Variants in ATP7B observed in about 807,000 individuals in gnomAD.
ATP7B encodes ATPase copper transporting beta, also known as copper-transporting ATPase 2.
In ATP7B, 113 loss-of-function variants were observed where a neutral mutation model predicts 118.9. The observed-to-expected ratio is 0.95, with a 90% CI of 0.82 to 1.11. The LOEUF (loss-of-function observed/expected upper bound fraction) is 1.11. Ranked by LOEUF, ATP7B falls within the 50% of genes most tolerant of loss-of-function variation. ATP7B has a pLI of 0.00. For synonymous variants in ATP7B, 777 were observed against 727.4 expected (o/e 1.07, Z -1.10); for missense variants, 1,867 against 1,871.4 (o/e 1.00, Z 0.04).
At chr13:52,011,704 A>C (rs1354275251), upstream of ATP7B, among the ~76,000 whole-genome samples, 2 of 152,182 alleles carry the variant, frequency 1.3e-5, no homozygotes, top group African/African-American at 4.8e-5. Context: ...CTGCCGTGCC[A>C]GTGCCACAAT....
chr13:51,982,219 T>A (rs1346571240), intron 1 of ATP7B, among the ~76,000 whole-genome samples: 1 of 152,228 alleles, frequency 6.6e-6, no homozygotes, highest in Non-Finnish European at 1.5e-5. Context: ...GATGAATTGA[T>A]GACACTTTTG....
chr13:52,006,219 CG>C (rs1475794285), intron 1 of ATP7B, among the ~76,000 whole-genome samples: 1 of 152,226 alleles, frequency 6.6e-6, no homozygotes, highest in Non-Finnish European at 1.5e-5. Context: ...GCACTGAACA[CG>C]GATACTTCCT....
intron 1 of ATP7B, among the ~76,000 whole-genome samples, chr13:51,996,210 C>T (rs1467107429): frequency 6.6e-6 from 1 of 152,194 alleles, no homozygotes; most frequent in Non-Finnish European, 1.5e-5. Flanking sequence ...TCAGTAAGAA[C>T]TGACTGCACA....
Position 51,937,565 on chromosome 13 carries a change from A to T in ATP7B, c.3814T>A (p.Ser1272Thr). Residue 1272 changes from serine to threonine, a missense_variant, in exon 18 of 21, where the codon TCC (serine) becomes ACC (threonine). Transcript: ENST00000242839. ...VAMVGDGVND[S>T]PALAQADMGV... Reference sequence around the variant, plus strand: ...ATGTCTGCCTGGGCCAAGGCCGGGGAGTCATTGACCCCATCCCCCACCATG... The same window carrying T: ...ATGTCTGCCTGGGCCAAGGCCGGGGTGTCATTGACCCCATCCCCCACCATG... 1 of 1,614,154 alleles carries T rather than the reference A, an allele frequency of 6.2e-7. No individual in the cohort carries two copies. Among genetic ancestry groups the T allele is most frequent in the Non-Finnish European group, 8.5e-7 (1 of 1,180,020 alleles).
Position 51,964,923 on chromosome 13 carries a change from A to T in ATP7B, c.1818T>A (p.Val606=). 2 of 1,614,204 alleles carry T rather than the reference A, an allele frequency of 1.2e-6. No homozygotes were observed. Among genetic ancestry groups the T allele is most frequent in the Non-Finnish European group, 1.7e-6 (2 of 1,180,026 alleles). Residue 606 remains valine (V), a synonymous_variant, in exon 5 of 21, where the codon GTT becomes GTA. Transcript: ENST00000242839. Reference sequence around the variant, plus strand: ...GACCGATAATTTCCGGGTCAAACTTAACAAGGGCTTTGCTGGTGGCAAGGG... The same window carrying T: ...GACCGATAATTTCCGGGTCAAACTTTACAAGGGCTTTGCTGGTGGCAAGGG... ...SVALATSKAL[V]KFDPEIIGPR... is the part of the protein sequence containing the mutation.
intron 19 of ATP7B, among the ~76,000 whole-genome samples, chr13:51,936,587 C>T (rs1202953370): frequency 6.6e-6 from 1 of 152,072 alleles, no homozygotes; most frequent in Non-Finnish European, 1.5e-5. Context: ...TACAGTGGTG[C>T]GATCATGGGT....
intron 2 of ATP7B, 112 bp from the exon 3 acceptor site, chr13:51,970,861 C>T: frequency 2.1e-6 from 2 of 957,042 alleles, no homozygotes; most frequent in Non-Finnish European, 3.1e-6. Context: ...TCCCACCGAG[C>T]AGCCTCAGCC....
chr13:52,002,823 T>A (rs766258190), intron 1 of ATP7B, among the ~76,000 whole-genome samples: 3 of 152,174 alleles, frequency 2.0e-5, no homozygotes, highest in Non-Finnish European at 4.4e-5. Flanking sequence ...CACTATAGTC[T>A]ATCAAGTGTG....
chr13:51,958,222 TA>T, intron 8 of ATP7B, 88 bp downstream of exon 8: 1 of 1,398,656 alleles, frequency 7.1e-7, no homozygotes, highest in Non-Finnish European at 1.0e-6. Flanking sequence ...ATGCTGTGTA[TA>T]ATTAGTAATT....
In ATP7B at chr13:51,942,376, C is replaced by T. The variant is rs1566467094; in HGVS notation, c.3412+10G>A. On this transcript the variant is annotated intron_variant, in intron 15 of 20. Coordinates refer to ENST00000242839, the MANE Select transcript of ATP7B (RefSeq NM_000053.4). Reference sequence around the variant, plus strand: ...TTTTAACCAGCTGCAGAGACAAAAGCCAGCAATACCTTTTTCTGCGGGAAG... The same window carrying T: ...TTTTAACCAGCTGCAGAGACAAAAGTCAGCAATACCTTTTTCTGCGGGAAG... 1 of 1,613,942 alleles carries T rather than the reference C, an allele frequency of 6.2e-7. No homozygotes were observed. The highest frequency in any genetic ancestry group is 1.7e-5 in the Admixed American group (1 of 60,014).
At chr13:51,970,264 T>C (rs1951773491) in intron 3 of ATP7B, among the ~76,000 whole-genome samples, 1 of 152,186 alleles carries the variant, frequency 6.6e-6, no homozygotes. Flanking sequence ...TTAAACTGGA[T>C]TTTCAATGGC....
At position 51,942,445 on chromosome 13, in the gene ATP7B, C is replaced by T. The variant is rs202233544; in HGVS notation, c.3353G>A (p.Arg1118His). The T allele has an allele frequency of 1.4e-5, 22 of 1,614,196 alleles. No homozygotes were observed. The highest frequency in any genetic ancestry group is 1.1e-4 in the African/African-American group (8 of 75,056). Reference protein sequence around the residue: ...NVEGILAHSERPLSAPASHLN... With the variant: ...NVEGILAHSEHPLSAPASHLN... Reference sequence around the variant, plus strand: ...GTGACTGGCCGGTGCACTCAAAGGGCGCTCACTGTGGGCCAGGATGCCTTC... The same window carrying T: ...GTGACTGGCCGGTGCACTCAAAGGGTGCTCACTGTGGGCCAGGATGCCTTC... Residue 1118 changes from arginine (R) to histidine (H), a missense_variant, in exon 15 of 21, where the codon CGC becomes CAC. By Grantham distance (29) the Arg-to-His change is conservative (BLOSUM62 0). Coordinates refer to ENST00000242839, the MANE Select transcript of ATP7B (RefSeq NM_000053.4).
Position 51,957,510 on chromosome 13 carries a change from A to T in ATP7B, c.2447+6T>A. The T allele has an allele frequency of 6.2e-7, 1 of 1,612,072 alleles. No homozygotes were observed. The highest frequency in any genetic ancestry group is 1.3e-5 in the African/African-American group (1 of 74,972). On this transcript the variant is annotated splice_donor_region_variant and intron_variant, in intron 9 of 20. Coordinates refer to ENST00000242839, the MANE Select transcript of ATP7B (RefSeq NM_000053.4). ...ACCACAAAGACATTTGATAACCATAACTCACCTGATGATTAAATTGTCCTC... is the reference window on the plus strand; with the variant it reads ...ACCACAAAGACATTTGATAACCATATCTCACCTGATGATTAAATTGTCCTC...
At chr13:51,959,916 A>G (rs1958617328) in intron 7 of ATP7B, 1 of 567,266 alleles carries the variant, frequency 1.8e-6, no homozygotes, top group African/African-American at 1.9e-5. Context: ...ATCAACTGAA[A>G]CTGACAGTGA....
At chr13:51,972,062 C>T (rs1951867591) in intron 2 of ATP7B, among the ~76,000 whole-genome samples, 2 of 152,226 alleles carry the variant, frequency 1.3e-5, no homozygotes, top group African/African-American at 2.4e-5. Context: ...TAATCGGTTA[C>T]AACACACCAC....
intron 1 of ATP7B, among the ~76,000 whole-genome samples, chr13:51,993,905 G>A (rs1246461278): frequency 6.6e-6 from 1 of 152,122 alleles, no homozygotes; most frequent in African/African-American, 2.4e-5. Context: ...CTCTTCCCCA[G>A]CCCTCCTTTC....
Position 51,991,521 on chromosome 13 carries a change from C to T in ATP7B, c.52-16353G>A, listed in dbSNP as rs1952914357. On this transcript the variant is annotated intron_variant, in intron 1 of 20. Transcript: ENST00000242839. The stretch of plus-strand genomic sequence containing the variant: ...GAAAAAAACAAACAAAAAAAAACAG[C>T]AGCCAAGCTTGGCCAAAGAAGTCAA... Among the ~76,000 whole-genome samples the T allele has an allele frequency of 2.0e-5, 3 of 152,086 alleles. No homozygotes were observed. In the South Asian group the frequency reaches 6.2e-4, roughly 32 times the overall value.
chr13:51,966,860 A>G, intron 4 of ATP7B: 1 of 1,613,096 alleles, frequency 6.2e-7, no homozygotes, highest in East Asian at 2.2e-5. Context: ...GCAATGGCCA[A>G]GCCAGATTGT....
At position 51,961,928 on chromosome 13, in the gene ATP7B, G is replaced by A. The variant is rs1370484518; in HGVS notation, c.1870-15C>T. 6.2e-7 allele frequency: 1 copy of A among 1,606,352 alleles called. No individual in the cohort carries two copies. Among genetic ancestry groups the A allele is most frequent in the Non-Finnish European group, 8.5e-7 (1 of 1,172,952 alleles). ...AAGCCAATTTCCTTGTCATTAAAAA[G>A]AGAGGGGTGGGGAAAAAGGAGGAAG... On this transcript the variant is annotated splice_polypyrimidine_tract_variant and intron_variant, in intron 5 of 20. Transcript: ENST00000242839.
Sources: gnomAD v4.1 joint callset for allele counts (sites outside exome capture counted in the v4.1 genomes callset) on GRCh38, gnomAD v4.1.1 for gene constraint, MANE v1.5 for transcripts, NCBI Gene and HGNC (gene_info 2026-07-23, HGNC 2026-07-21) for gene names.